Variants in MCF2L2 observed in about 807,000 individuals in gnomAD.
The protein encoded by MCF2L2 is probable guanine nucleotide exchange factor MCF2L2.
A neutral mutation model predicts 150.2 loss-of-function variants in MCF2L2; 102 were observed. That is an observed-to-expected ratio of 0.68 (90% confidence interval 0.58 to 0.80). The LOEUF (loss-of-function observed/expected upper bound fraction) is 0.80, where lower values mean the gene tolerates loss of function less well. Ranked by LOEUF, MCF2L2 falls within the 30% of genes least tolerant of loss-of-function variation. The probability of loss-of-function intolerance (pLI) is 0.00; values close to 1 mark genes in which losing one functional copy is unlikely to be tolerated. For synonymous variants in MCF2L2, 465 were observed against 491.3 expected (o/e 0.95, Z 0.71); for missense variants, 1,256 against 1,372.8 (o/e 0.91, Z 1.34).
chr3:183,299,394 G>A (rs1728723986), intron 11 of MCF2L2: 1 of 152,458 alleles, frequency 6.6e-6, no homozygotes, highest in Admixed American at 6.5e-5. Flanking sequence ...GTGCATAAGG[G>A]AATCTGCCAT....
chr3:183,263,057 C>T (rs1420406601), intron 15 of MCF2L2, among the ~76,000 whole-genome samples: 2 of 151,878 alleles, frequency 1.3e-5, no homozygotes, highest in African/African-American at 2.4e-5. Context: ...AGAAGGTTCT[C>T]GATGAATATT....
chr3:183,241,727 G>C (rs1470621233), intron 15 of MCF2L2, among the ~76,000 whole-genome samples: 1 of 152,212 alleles, frequency 6.6e-6, no homozygotes, highest in Admixed American at 6.5e-5. Flanking sequence ...CTGGTAGAGT[G>C]GGGTGCTGCA....
chr3:183,315,309 C>G (rs1729560078), intron 7 of MCF2L2, among the ~76,000 whole-genome samples: 1 of 152,096 alleles, frequency 6.6e-6, no homozygotes, highest in Admixed American at 6.5e-5. Flanking sequence ...AATCCAAATT[C>G]ACTTAATATT....
intron 3 of MCF2L2, chr3:183,378,400 CCA>C (rs1713318054): frequency 6.6e-6 from 1 of 152,248 alleles, no homozygotes; most frequent in East Asian, 1.9e-4. Flanking sequence ...TGGACTCTGC[CCA>C]CACTCCATCC....
intron 1 of MCF2L2, among the ~76,000 whole-genome samples, chr3:183,401,686 A>G (rs1714765686): frequency 6.6e-6 from 1 of 152,224 alleles, no homozygotes; most frequent in Non-Finnish European, 1.5e-5. Flanking sequence ...TGGTGTTAAT[A>G]ATACAGTATT....
chr3:183,422,428 T>C lies in MCF2L2; in HGVS notation c.76+5474A>G, dbSNP rs1338454912. Among the ~76,000 whole-genome samples, 5 of 152,188 alleles carry C rather than the reference T, an allele frequency of 3.3e-5. No individual in the cohort carries two copies. The South Asian group carries it at 8.3e-4, about 25-fold the overall frequency. ...TGGTCTTGGCTTGCCTCTCTCAATG[T>C]TGAATCTCCATTTCATGAGGGAGCT... On this transcript the variant is annotated intron_variant, in intron 1 of 29. Transcript: ENST00000328913.
rs896842180 is a variant in MCF2L2, at chr3:183,205,897, C to T, written c.2863G>A (p.Glu955Lys). The change falls in exon 25 of 30, where the codon GAA becomes AAA. Residue 955 changes from glutamate (E) to lysine (K), a missense_variant. Physicochemically the swap from Glu to Lys is moderately conservative, Grantham distance 56 (BLOSUM62 1). Transcript: ENST00000328913. ...WFSEISKLLM[E>K]QQNNIKDQGN... is the part of the protein sequence containing the mutation. ...CTACCTTTGATATTATTTTGTTGTT[C>T]CATCAATAATTTACTTATTTCTGAA... is the stretch of plus-strand genomic sequence containing the variant. 1.2e-6 allele frequency: 2 copies of T among 1,613,726 alleles called. No individual in the cohort carries two copies. The highest frequency in any genetic ancestry group is 1.7e-6 in the Non-Finnish European group (2 of 1,179,686).
chr3:183,346,130 C>T (rs1730889226), intron 3 of MCF2L2, among the ~76,000 whole-genome samples: 1 of 152,178 alleles, frequency 6.6e-6, no homozygotes, highest in Non-Finnish European at 1.5e-5. Context: ...AAGAAAATTT[C>T]AGGCCAATAT....
chr3:183,231,083 G>A, intron 15 of MCF2L2, 66 bp from the exon 16 acceptor site: 1 of 1,209,240 alleles, frequency 8.3e-7, no homozygotes, highest in African/African-American at 1.5e-5. Context: ...TGTTCTTTTA[G>A]AATTCTGTTA....
intron 14 of MCF2L2, among the ~76,000 whole-genome samples, chr3:183,279,132 GACC>G (rs1383401320): frequency 6.6e-6 from 1 of 151,742 alleles, no homozygotes; most frequent in African/African-American, 2.4e-5. Context: ...TTCAAAGCCT[GACC>G]ACAACTCACA....
intron 15 of MCF2L2, among the ~76,000 whole-genome samples, chr3:183,254,399 A>G (rs577372657): frequency 2.6e-5 from 4 of 151,778 alleles, no homozygotes; most frequent in Non-Finnish European, 5.9e-5. Context: ...AGCGCGGCGG[A>G]GAAGGAGGCT....
intron 5 of MCF2L2, among the ~76,000 whole-genome samples, chr3:183,324,895 G>C (rs1011788528): frequency 4.6e-5 from 7 of 151,742 alleles, no homozygotes; most frequent in African/African-American, 1.5e-4. Flanking sequence ...TGATAGACTG[G>C]ATTAAGAAAA....
chr3:183,338,908 T>C lies in MCF2L2; in HGVS notation c.378A>G (p.Pro126=), dbSNP rs761191082. The change falls in exon 5 of 30, where the codon CCA becomes CCG. Residue 126 remains proline (P), a synonymous_variant. Transcript: ENST00000328913. The stretch of plus-strand genomic sequence containing the variant: ...GGATGAATATGAGCTGTAAGTTTCC[T>C]GGAAATGCCACCTGCAAGCATCAGG... ...ASLTRIAVAF[P]GNLQLIFILR... is the part of the protein sequence containing the mutation. 6.3e-7 allele frequency: 1 copy of C among 1,598,312 alleles called. No homozygotes were observed.
rs928921396 is a variant in MCF2L2, at chr3:183,179,296, C to G, written c.*84G>C. The stretch of plus-strand genomic sequence containing the variant: ...GAGGCTCCGGCTGCTTTCTGCGTAG[C>G]TGGGCAGGGCCCGGGCCCCCACACC... On this transcript the variant is annotated 3_prime_UTR_variant, in exon 30 of 30. Coordinates refer to ENST00000328913, the MANE Select transcript of MCF2L2 (RefSeq NM_015078.4). The surrounding 1 kb of genome is among the most constrained non-coding windows in gnomAD (Gnocchi z 4.2). 2 of 1,362,422 alleles carry G rather than the reference C, an allele frequency of 1.5e-6. No homozygotes were observed. The highest frequency in any genetic ancestry group is 1.9e-6 in the Non-Finnish European group (2 of 1,062,560). 84.4% of individuals were successfully genotyped at this position (1,362,422 alleles called of 1,614,324 possible).
intron 10 of MCF2L2, among the ~76,000 whole-genome samples, chr3:183,302,710 A>T (rs1379532604): frequency 6.6e-6 from 1 of 151,794 alleles, no homozygotes; most frequent in Admixed American, 6.6e-5. Flanking sequence ...CCTTCTCTGG[A>T]TTGTTCTTCC....
chr3:183,228,543 C>T (rs1723433509), intron 17 of MCF2L2, among the ~76,000 whole-genome samples, 177 bp from the exon 18 acceptor site: 1 of 152,114 alleles, frequency 6.6e-6, no homozygotes, highest in Admixed American at 6.5e-5. Flanking sequence ...TGAGGTATTA[C>T]TACAATTACC....
Position 183,283,824 on chromosome 3 carries a change from A to C in MCF2L2, c.1776+5296T>G, listed in dbSNP as rs1727642501. ...GGTGTGAGCCACCACGACCAGCCTT[A>C]TTTATTCTTTAGAGTTGAATTCAAA... On this transcript the variant is annotated intron_variant, in intron 14 of 29. Transcript: ENST00000328913. The surrounding 1 kb of genome is among the most constrained non-coding windows in gnomAD (Gnocchi z 4.2). Among the ~76,000 whole-genome samples, 1 of 152,116 alleles carries C rather than the reference A, an allele frequency of 6.6e-6. No homozygotes were observed. The highest frequency in any genetic ancestry group is 3.4e-3 in the Middle Eastern group (1 of 294).
intron 26 of MCF2L2, among the ~76,000 whole-genome samples, chr3:183,194,812 C>T (rs561481784): frequency 1.5e-4 from 23 of 152,224 alleles, no homozygotes; most frequent in Non-Finnish European, 2.4e-4. Context: ...GATAGGCTCT[C>T]GCTCTGTCAC....
At chr3:183,364,325 G>A (rs1221119748) in intron 3 of MCF2L2, among the ~76,000 whole-genome samples, 1 of 151,924 alleles carries the variant, frequency 6.6e-6, no homozygotes. Context: ...GACCATCCTG[G>A]CTAACACGGT....
Sources: allele counts gnomAD v4.1 joint callset (sites outside exome capture counted in the v4.1 genomes callset), GRCh38; gene constraint gnomAD v4.1.1; non-coding constraint Gnocchi (gnomAD v3.1); transcripts MANE v1.5; gene names NCBI Gene and HGNC (gene_info 2026-07-23, HGNC 2026-07-21).